EMID1: variants seen among roughly 807,000 people sequenced by gnomAD.
EMID1 encodes the protein EMI domain containing 1, also known as EMI domain-containing protein 1.
EMID1 carries 40 observed loss-of-function variants against 60.6 expected under a neutral mutation model. The observed-to-expected ratio is 0.66, with a 90% CI of 0.51 to 0.86. EMID1 has a LOEUF of 0.86. Among genes scored for constraint, EMID1 ranks in the 40% least tolerant of loss-of-function variants. The pLI is 0.00. For synonymous variants in EMID1, 242 were observed against 231.0 expected (o/e 1.05, Z -0.43); for missense variants, 585 against 597.1 (o/e 0.98, Z 0.21).
intron 10 of EMID1, 164 bp downstream of exon 10, chr22:29,233,830 C>G (rs1296569866): frequency 9.6e-6 from 7 of 732,720 alleles, no homozygotes; most frequent in Non-Finnish European, 1.5e-5. Flanking sequence ...ACTTAATATG[C>G]AAACTACCTT....
At position 29,225,176 on chromosome 22, in the gene EMID1, TA is replaced by T; in HGVS notation, c.364del (p.Thr122ProfsTer24). ...ASLEPMWSGS[T>X]MRRMALRPTA... Reference sequence around the variant, plus strand: ...CCTTGGAGCCCATGTGGTCGGGCAGTACCATGCGGCGGATGGCGCTTCGGCC... The same window carrying T: ...CCTTGGAGCCCATGTGGTCGGGCAGTCCATGCGGCGGATGGCGCTTCGGCC... On this transcript the variant is annotated frameshift_variant, in exon 4 of 15. Coordinates refer to ENST00000334018, the MANE Select transcript of EMID1 (RefSeq NM_133455.4). LOFTEE classifies it high-confidence loss of function. 1 of 1,614,014 alleles carries T rather than the reference TA, an allele frequency of 6.2e-7. No homozygotes were observed.
chr22:29,254,404 C>T, intron 14 of EMID1, 117 bp downstream of exon 14: 1 of 973,252 alleles, frequency 1.0e-6, no homozygotes, highest in Admixed American at 1.9e-5. Context: ...AGGTGCCTGC[C>T]CCAGGCAAGC....
intron 13 of EMID1, among the ~76,000 whole-genome samples, chr22:29,253,588 A>C (rs906352798): frequency 6.6e-6 from 1 of 152,226 alleles, no homozygotes; most frequent in Non-Finnish European, 1.5e-5. Flanking sequence ...GTCTCAAAAA[A>C]AAATGTACTT....
intron 13 of EMID1, among the ~76,000 whole-genome samples, chr22:29,253,124 G>T (rs1301930078): frequency 6.6e-6 from 1 of 152,178 alleles, no homozygotes; most frequent in Non-Finnish European, 1.5e-5. Context: ...TAAACCCATC[G>T]TAAGTTGAAA....
In EMID1 at chr22:29,232,294, G is replaced by A. The variant is rs201785515; in HGVS notation, c.715G>A (p.Ala239Thr). The A allele has an allele frequency of 6.2e-7, 1 of 1,611,478 alleles. No homozygotes were observed. Among genetic ancestry groups the A allele is most frequent in the South Asian group, 1.1e-5 (1 of 91,024 alleles). Reference protein sequence around the residue: ...GPPGSPGRAGAVGTPGERGPP... With the variant: ...GPPGSPGRAGTVGTPGERGPP... ...CCCAGGGAGCCCTGGCCGGGCTGGA[G>A]CTGTGGGCACCCCTGGAGAGAGGGG... Residue 239 changes from alanine (A) to threonine (T), a missense_variant, in exon 8 of 15, where the codon GCT becomes ACT. Physicochemically the swap from Ala to Thr is moderately conservative, Grantham distance 58. Coordinates refer to ENST00000334018, the MANE Select transcript of EMID1 (RefSeq NM_133455.4).
chr22:29,206,071 C>T lies in EMID1; in HGVS notation c.33C>T (p.Cys11=). Residue 11 remains cysteine, a synonymous_variant, in exon 1 of 15, where the codon TGC becomes TGT. Coordinates refer to ENST00000334018, the MANE Select transcript of EMID1 (RefSeq NM_133455.4). Reference sequence around the variant, plus strand: ...GCCCGCGGGCTTGGGCGCTGCTCTGCCTCGGGCTCCTGCTCCCGGGAGGCG... The same window carrying T: ...GCCCGCGGGCTTGGGCGCTGCTCTGTCTCGGGCTCCTGCTCCCGGGAGGCG... MGGPRAWALL[C]LGLLLPGGGA... 8.1e-7 allele frequency: 1 copy of T among 1,230,268 alleles called. No individual in the cohort carries two copies. Among genetic ancestry groups the T allele is most frequent in the Non-Finnish European group, 1.0e-6 (1 of 987,074 alleles). The allele number at this position is 1,230,268 out of a possible 1,614,324, so 76.2% of individuals were successfully genotyped here. A position where few individuals can be genotyped will look rare whatever the true frequency, so the allele number is the denominator to read the frequency against.
At chr22:29,210,974 ACATGTGCCTG>A (rs976345535) in intron 1 of EMID1, among the ~76,000 whole-genome samples, 4 of 152,144 alleles carry the variant, frequency 2.6e-5, no homozygotes, top group Non-Finnish European at 5.9e-5. Context: ...GTGTGTGTAC[ACATGTGCCTG>A]CATGTGCATG....
chr22:29,227,704 C>CAAAAAAAAA (rs560219761), intron 5 of EMID1, among the ~76,000 whole-genome samples: 1 of 88,954 alleles, frequency 1.1e-5, no homozygotes, highest in Admixed American at 1.5e-4. Context: ...GACTCTGTCT[C>CAAAAAAAAA]AAAAAAAAAA....
At chr22:29,224,259 C>T (rs1446666330) in intron 3 of EMID1, among the ~76,000 whole-genome samples, 2 of 152,342 alleles carry the variant, frequency 1.3e-5, no homozygotes, top group Middle Eastern at 3.4e-3. Flanking sequence ...GCCAGGCCCG[C>T]GCCTTATTTG....
chr22:29,256,868 G>T (rs1186642085), intron 14 of EMID1, among the ~76,000 whole-genome samples: 6 of 152,068 alleles, frequency 3.9e-5, no homozygotes, highest in Admixed American at 3.3e-4. Flanking sequence ...AGGGTGTGGG[G>T]TCTGCTTCCA....
At chr22:29,236,449 GGGAGGT>G in intron 12 of EMID1, among the ~76,000 whole-genome samples, 1 of 152,234 alleles carries the variant, frequency 6.6e-6, no homozygotes, top group East Asian at 1.9e-4. Flanking sequence ...CTGGCACTTT[GGGAGGT>G]GGAGGCAGGG....
intron 14 of EMID1, among the ~76,000 whole-genome samples, chr22:29,256,608 TAC>T (rs2041716427): frequency 6.6e-6 from 1 of 151,530 alleles, no homozygotes; most frequent in African/African-American, 2.4e-5. Context: ...TGCTCTGGAG[TAC>T]AGATAGGTGC....
intron 1 of EMID1, among the ~76,000 whole-genome samples, chr22:29,214,188 T>C (rs2039995625): frequency 1.3e-5 from 2 of 152,192 alleles, no homozygotes; most frequent in Non-Finnish European, 2.9e-5. Context: ...GGGCCTCTCC[T>C]CTTGCATGCT....
intron 1 of EMID1, among the ~76,000 whole-genome samples, chr22:29,206,887 C>G (rs2039681208): frequency 6.6e-6 from 1 of 152,230 alleles, no homozygotes; most frequent in Non-Finnish European, 1.5e-5. Context: ...GCCTCATGGG[C>G]TATTCACTGA....
chr22:29,240,897 T>G (rs1168287077), intron 12 of EMID1, among the ~76,000 whole-genome samples: 1 of 152,206 alleles, frequency 6.6e-6, no homozygotes, highest in Non-Finnish European at 1.5e-5. Context: ...GACCTGGTGT[T>G]GGGTCCGATC....
chr22:29,220,687 C>T (rs1026951190), intron 3 of EMID1, among the ~76,000 whole-genome samples: 1 of 152,062 alleles, frequency 6.6e-6, no homozygotes, highest in Non-Finnish European at 1.5e-5. Context: ...TTTCACATCT[C>T]TAATCCCCAA....
intron 12 of EMID1, among the ~76,000 whole-genome samples, chr22:29,239,481 T>A (rs1472726302): frequency 1.3e-5 from 2 of 152,184 alleles, no homozygotes; most frequent in Non-Finnish European, 2.9e-5. Context: ...TTCTTGCATG[T>A]TGTCTACTTT....
rs572169599 is a variant in EMID1, at chr22:29,258,055, C to T, written c.1205-762C>T. Among the ~76,000 whole-genome samples, 8 of 152,290 alleles carry T rather than the reference C, an allele frequency of 5.3e-5. No individual in the cohort carries two copies. The South Asian group carries it at 1.7e-3, about 32-fold the overall frequency. The stretch of plus-strand genomic sequence containing the variant: ...TCCATGGCAGTGCCCTCAGTGGGAA[C>T]CTGGTGTTTACCAGAACCCAAGTAT... On this transcript the variant is annotated intron_variant, in intron 14 of 14. Transcript: ENST00000334018.
At chr22:29,243,756 C>G (rs950979083) in intron 13 of EMID1, among the ~76,000 whole-genome samples, 1 of 152,244 alleles carries the variant, frequency 6.6e-6, no homozygotes, top group Admixed American at 6.5e-5. Flanking sequence ...CCCTCTGTGG[C>G]CTTTCCAGGC....
Sources: gnomAD v4.1 joint callset for allele counts (sites outside exome capture counted in the v4.1 genomes callset) on GRCh38, gnomAD v4.1.1 for gene constraint, MANE v1.5 for transcripts, NCBI Gene and HGNC (gene_info 2026-07-23, HGNC 2026-07-21) for gene names.